The following GRIN2C variants were observed in gnomAD, a reference collection of about 807,000 sequenced individuals.
The protein encoded by GRIN2C is glutamate receptor ionotropic, NMDA 2C.
In GRIN2C, 64 loss-of-function variants were observed where a neutral mutation model predicts 77.7. The observed-to-expected ratio is 0.82, with a 90% CI of 0.67 to 1.01. GRIN2C has a LOEUF of 1.01. GRIN2C is among the 50% of genes least tolerant of loss of function. GRIN2C has a pLI of 0.00. For synonymous variants in GRIN2C, 792 were observed against 643.4 expected (o/e 1.23, Z -3.49); for missense variants, 1,549 against 1,486.0 (o/e 1.04, Z -0.70).
rs995849651 is a variant in GRIN2C at position 74,847,035 on chromosome 17, A to T, written c.2002-115T>A. 8.9e-6 allele frequency: 10 copies of T among 1,118,240 alleles called. No individual in the cohort carries two copies. In the African/African-American group the frequency reaches 1.6e-4, roughly 17 times the overall value. The allele number at this position is 1,118,240 out of a possible 1,614,324, so 69.3% of individuals were successfully genotyped here. A position where few individuals can be genotyped will look rare whatever the true frequency, so the allele number is the denominator to read the frequency against. On this transcript the variant is annotated intron_variant, in intron 9 of 12. Transcript: ENST00000293190. The surrounding 1 kb of genome is among the most constrained non-coding windows in gnomAD (Gnocchi z 5.2). ...TGTGGACTTGCATAGTCAGAGCAGA[A>T]GGTCTTAAAGGCTGTCCAGGCCACT... is the stretch of plus-strand genomic sequence containing the variant.
In GRIN2C at chr17:74,854,972, G is replaced by A; in HGVS notation, c.121C>T (p.Pro41Ser). 6.2e-7 allele frequency: 1 copy of A among 1,610,734 alleles called. No individual in the cohort carries two copies. The highest frequency in any genetic ancestry group is 1.3e-5 in the African/African-American group (1 of 75,034). ...CGGGCACGGAACTGGGCCTGGGGCG[G>A]CCCTGAGCTGCTAAACACCACGGCC... ...TVAVVFSSSG[P>S]PQAQFRARLT... The change falls in exon 2 of 13, where the codon CCG becomes TCG. Residue 41 changes from proline (P) to serine (S), a missense_variant. Physicochemically the swap from Pro to Ser is moderately conservative, Grantham distance 74. Around this residue, in one of 3 missense-constraint regions of GRIN2C, gnomAD observed 382 missense variants for 360.0 expected, o/e 1.06. Coordinates refer to ENST00000293190, the MANE Select transcript of GRIN2C (RefSeq NM_000835.6).
At chr17:74,844,619 C>A in intron 11 of GRIN2C, 111 bp from the exon 12 acceptor site, 1 of 1,477,012 alleles carries the variant, frequency 6.8e-7, no homozygotes, top group East Asian at 2.4e-5. Context: ...AGGGTGCCAC[C>A]CACTTCTTCC....
intron 2 of GRIN2C, 37 bp from the exon 3 acceptor site, chr17:74,852,648 C>A: frequency 1.0e-6 from 1 of 962,064 alleles, no homozygotes; most frequent in South Asian, 2.4e-5. Context: ...GCGGGAGGGC[C>A]GAGCCCCTCC....
chr17:74,861,185 G>A (rs959110837), upstream of GRIN2C, among the ~76,000 whole-genome samples: 4 of 152,182 alleles, frequency 2.6e-5, no homozygotes, highest in Admixed American at 1.3e-4. Flanking sequence ...CGCGTCCGCC[G>A]CGCGCCTGTC....
intron 7 of GRIN2C, 35 bp from the exon 8 acceptor site, chr17:74,848,012 C>A: frequency 6.2e-7 from 1 of 1,612,278 alleles, no homozygotes; most frequent in Non-Finnish European, 8.5e-7. Flanking sequence ...GAGGCCTCGG[C>A]ATGTTCCCTG....
chr17:74,860,809 G>A (rs1330854105), upstream of GRIN2C: 3 of 315,694 alleles, frequency 9.5e-6, no homozygotes, highest in African/African-American at 4.5e-5. Context: ...CAAAGGAGAT[G>A]GGGCAGAGCT....
At position 74,849,901 on chromosome 17, in the gene GRIN2C, G is replaced by A. The variant is rs2037579459; in HGVS notation, c.1524C>T (p.Gly508=). ...VYYKRADMAI[G]SLTINEERSE... Reference sequence around the variant, plus strand: ...AGCGTTCCTCATTGATGGTGAGGGAGCCGATGGCCATGTCTGCCCGCTTGT... The same window carrying A: ...AGCGTTCCTCATTGATGGTGAGGGAACCGATGGCCATGTCTGCCCGCTTGT... Residue 508 remains glycine, a synonymous_variant, in exon 7 of 13, where the codon GGC becomes GGT. Coordinates refer to ENST00000293190, the MANE Select transcript of GRIN2C (RefSeq NM_000835.6). The surrounding 1 kb of genome is among the most constrained non-coding windows in gnomAD (Gnocchi z 4.6). 2 of 1,613,442 alleles carry A rather than the reference G, an allele frequency of 1.2e-6. No individual in the cohort carries two copies. Among genetic ancestry groups the A allele is most frequent in the Middle Eastern group, 1.6e-4 (1 of 6,064 alleles).
intron 1 of GRIN2C, among the ~76,000 whole-genome samples, chr17:74,858,309 A>C (rs914446822): frequency 7.7e-6 from 1 of 130,150 alleles, no homozygotes; most frequent in Non-Finnish European, 1.6e-5. Context: ...GGGACACCAG[A>C]GACTCTCTCC....
intron 12 of GRIN2C, among the ~76,000 whole-genome samples, chr17:74,843,774 T>G (rs1266283532): frequency 6.6e-6 from 1 of 152,106 alleles, no homozygotes; most frequent in African/African-American, 2.4e-5. Flanking sequence ...AGCTAGCACC[T>G]GGCACATGAA....
rs759016958 is a variant in GRIN2C, at chr17:74,850,599, G to A, written c.1282C>T (p.Pro428Ser). ...TGCCTGCGGCAGGGCACGGTGTTGG[G>A]GACACAGCCTCCTGTGCCAGGGTCA... Reference protein sequence around the residue: ...SPDPGTGGCVPNTVPCRRQSN... With the variant: ...SPDPGTGGCVSNTVPCRRQSN... Residue 428 changes from proline (P) to serine (S), a missense_variant, in exon 5 of 13, where the codon CCC becomes TCC. Physicochemically the swap from Pro to Ser is moderately conservative, Grantham distance 74. Coordinates refer to ENST00000293190, the MANE Select transcript of GRIN2C (RefSeq NM_000835.6). The surrounding 1 kb of genome is among the most constrained non-coding windows in gnomAD (Gnocchi z 5.3). The A allele has an allele frequency of 2.5e-6, 4 of 1,613,564 alleles. No homozygotes were observed. In the South Asian group the frequency reaches 4.4e-5, roughly 18 times the overall value.
chr17:74,855,636 G>A (rs1017641679), intron 1 of GRIN2C, among the ~76,000 whole-genome samples: 1 of 152,306 alleles, frequency 6.6e-6, no homozygotes, highest in Admixed American at 6.5e-5. Flanking sequence ...ACCTCATCCC[G>A]CAGGTGACAG....
At chr17:74,845,952 C>G in intron 11 of GRIN2C, 114 bp downstream of exon 11, 1 of 963,846 alleles carries the variant, frequency 1.0e-6, no homozygotes, top group Non-Finnish European at 1.6e-6. Flanking sequence ...AACCTCTCAC[C>G]CCCCAGAGAC....
At chr17:74,851,846 CCTG>C in intron 3 of GRIN2C, 155 bp from the exon 4 acceptor site, 1 of 693,240 alleles carries the variant, frequency 1.4e-6, no homozygotes, top group Non-Finnish European at 2.5e-6. Context: ...CACCCTGACA[CCTG>C]CTGTTTGTTC....
chr17:74,851,329 A>C, intron 4 of GRIN2C: 3 of 469,492 alleles, frequency 6.4e-6, no homozygotes, highest in Admixed American at 3.6e-5. Context: ...GGACCAGGAG[A>C]TAGGAGCGCT....
In GRIN2C at chr17:74,842,787, A is replaced by C. The variant is rs2037330827; in HGVS notation, c.3350T>G (p.Leu1117Trp). Residue 1117 changes from leucine (L) to tryptophan (W), a missense_variant, in exon 13 of 13, where the codon TTG (leucine) becomes TGG (tryptophan). By Grantham distance (61) the Leu-to-Trp change is moderately conservative. Coordinates refer to ENST00000293190, the MANE Select transcript of GRIN2C (RefSeq NM_000835.6). ...CAAGCACATCGACTGCGCCTGCGCC[A>C]AGCGCCTGCAGGCCGAGTGGCCGTC... ...RPDGHSACRR[L>W]AQAQSMCLPI... 1 of 652,332 alleles carries C rather than the reference A, an allele frequency of 1.5e-6. No individual in the cohort carries two copies. The highest frequency in any genetic ancestry group is 1.9e-5 in the African/African-American group (1 of 53,672). 40.4% of individuals were successfully genotyped at this position (652,332 alleles called of 1,614,324 possible). A position where few individuals can be genotyped will look rare whatever the true frequency, so the allele number is the denominator to read the frequency against.
In GRIN2C at chr17:74,844,303, C is replaced by T. The variant is rs2037390349; in HGVS notation, c.2556G>A (p.Gln852=). 1 of 1,614,070 alleles carries T rather than the reference C, an allele frequency of 6.2e-7. No homozygotes were observed. The highest frequency in any genetic ancestry group is 8.5e-7 in the Non-Finnish European group (1 of 1,179,958). The change falls in exon 12 of 13, where the codon CAG becomes CAA. Residue 852 remains glutamine (Q), a synonymous_variant. Transcript: ENST00000293190. ...KLRHSVPNSS[Q]LDFLLAFSRG... ...TGCTGAAAGCCAGCAGGAAGTCCAG[C>T]TGGGATGAGTTGGGCACCGAGTGGC... is the stretch of plus-strand genomic sequence containing the variant.
At chr17:74,858,306 C>T (rs2037868535) in intron 1 of GRIN2C, among the ~76,000 whole-genome samples, 1 of 134,412 alleles carries the variant, frequency 7.4e-6, no homozygotes, top group South Asian at 2.3e-4. Context: ...CTGGGGACAC[C>T]AGAGACTCTC....
In GRIN2C at chr17:74,857,272, G is replaced by C. The variant is rs190926295; in HGVS notation, c.-15-2165C>G. ...ATGAGGGACTGATCATAGCTGAAAG[G>C]GTTCTCATTCCCAAGAGAGATGTAG... On this transcript the variant is annotated intron_variant, in intron 1 of 12. Transcript: ENST00000293190. Among the ~76,000 whole-genome samples, 8 of 152,286 alleles carry C rather than the reference G, an allele frequency of 5.3e-5. No homozygotes were observed. In the South Asian group the frequency reaches 1.5e-3, roughly 28 times the overall value.
intron 3 of GRIN2C, 143 bp downstream of exon 3, chr17:74,851,870 A>G (rs1488958514): frequency 9.8e-6 from 7 of 711,290 alleles, no homozygotes; most frequent in African/African-American, 1.8e-5. Flanking sequence ...AGATGAGGAC[A>G]CTAAGGCCCA....
Sources: allele counts gnomAD v4.1 joint callset (sites outside exome capture counted in the v4.1 genomes callset), GRCh38; gene constraint gnomAD v4.1.1; regional missense constraint gnomAD v4.1.1; non-coding constraint Gnocchi (gnomAD v3.1); transcripts MANE v1.5; gene names NCBI Gene and HGNC (gene_info 2026-07-23, HGNC 2026-07-21).